The following SHISA9 variants were observed in gnomAD, a reference collection of about 807,000 sequenced individuals.
SHISA9 encodes protein shisa-9.
SHISA9 carries 13 observed loss-of-function variants against 38.0 expected under a neutral mutation model. The observed-to-expected ratio is 0.34, with a 90% confidence interval of 0.22 to 0.54. The LOEUF (loss-of-function observed/expected upper bound fraction) is 0.54. Ranked by LOEUF, SHISA9 falls within the 20% of genes least tolerant of loss-of-function variation. The probability of loss-of-function intolerance (pLI) is 0.91; values close to 1 mark genes in which losing one functional copy is unlikely to be tolerated. For missense variants in SHISA9, 538 were observed against 575.8 expected (o/e 0.93, Z 0.67); for synonymous variants, 275 against 242.0 (o/e 1.14, Z -1.27).
intron 2 of SHISA9, among the ~76,000 whole-genome samples, chr16:13,086,363 A>G (rs2073710696): frequency 6.6e-6 from 1 of 151,354 alleles, no homozygotes; most frequent in East Asian, 1.9e-4. Flanking sequence ...CAAAAAAAAA[A>G]AAAAAAAAAA....
At chr16:13,470,736 G>A in the SHISA9 span, among the ~76,000 whole-genome samples, 2 of 152,082 alleles carry the variant, frequency 1.3e-5, no homozygotes, top group Admixed American at 6.6e-5. Context: ...TGAAAATTCT[G>A]TAACAAAGAA....
intron 2 of SHISA9, among the ~76,000 whole-genome samples, chr16:13,169,645 T>A (rs1191568841): frequency 6.6e-6 from 1 of 152,204 alleles, no homozygotes; most frequent in African/African-American, 2.4e-5. Flanking sequence ...AAACATTTTA[T>A]CAGTTTCCTG....
chr16:12,917,642 G>A (rs1402681473), intron 2 of SHISA9, among the ~76,000 whole-genome samples: 1 of 152,250 alleles, frequency 6.6e-6, no homozygotes, highest in East Asian at 1.9e-4. Flanking sequence ...TGACAATAAT[G>A]TAATACTGTG....
At chr16:13,152,189 C>A (rs755103505) in intron 2 of SHISA9, among the ~76,000 whole-genome samples, 1 of 152,142 alleles carries the variant, frequency 6.6e-6, no homozygotes, top group African/African-American at 2.4e-5. Flanking sequence ...GAAAAGTCTA[C>A]CACTCCCTAG....
the SHISA9 span, among the ~76,000 whole-genome samples, chr16:13,387,728 T>G: frequency 2.0e-5 from 3 of 152,138 alleles, no homozygotes; most frequent in African/African-American, 4.8e-5. Flanking sequence ...GACCTGGTGA[T>G]CTGCCCGCCT....
the SHISA9 span, among the ~76,000 whole-genome samples, chr16:13,371,219 A>C: frequency 6.6e-6 from 1 of 152,302 alleles, no homozygotes; most frequent in Non-Finnish European, 1.5e-5. Context: ...AGTCCAGATA[A>C]CCACCATGAT....
At chr16:13,185,961 C>T (rs897540589) in intron 2 of SHISA9, among the ~76,000 whole-genome samples, 3 of 152,072 alleles carry the variant, frequency 2.0e-5, no homozygotes, top group African/African-American at 4.8e-5. Flanking sequence ...AGAGCACTTC[C>T]GCATGCCAAG....
chr16:13,215,193 G>A (rs1388663313), intron 4 of SHISA9, among the ~76,000 whole-genome samples: 1 of 152,184 alleles, frequency 6.6e-6, no homozygotes, highest in Non-Finnish European at 1.5e-5. Flanking sequence ...GTTGTAACCA[G>A]CTTGAGCACA....
At chr16:13,463,091 G>A in the SHISA9 span, among the ~76,000 whole-genome samples, 4 of 152,208 alleles carry the variant, frequency 2.6e-5, no homozygotes, top group Non-Finnish European at 5.9e-5. Context: ...GGGGGGGGAA[G>A]GTTGCAGTGA....
intron 2 of SHISA9, among the ~76,000 whole-genome samples, chr16:13,110,642 G>C (rs1225036088): frequency 6.6e-6 from 1 of 152,202 alleles, no homozygotes; most frequent in Non-Finnish European, 1.5e-5. Flanking sequence ...CTCGGAAACA[G>C]TCATCTGATG....
At chr16:13,145,442 G>A (rs1427640518) in intron 2 of SHISA9, among the ~76,000 whole-genome samples, 2 of 152,152 alleles carry the variant, frequency 1.3e-5, no homozygotes, top group Non-Finnish European at 2.9e-5. Flanking sequence ...CAGGAGAATT[G>A]CTTGAACCCG....
chr16:13,082,543 C>CTCTCTT (rs1204172921), intron 2 of SHISA9: 1 of 152,174 alleles, frequency 6.6e-6, no homozygotes, highest in Non-Finnish European at 1.5e-5. Context: ...CCGGCATTCT[C>CTCTCTT]TCTCTTTCTC....
chr16:13,027,450 C>G (rs983573384), intron 2 of SHISA9, among the ~76,000 whole-genome samples: 1 of 152,086 alleles, frequency 6.6e-6, no homozygotes, highest in African/African-American at 2.4e-5. Flanking sequence ...CTGTATCTAT[C>G]CAAGAGAATT....
intron 2 of SHISA9, among the ~76,000 whole-genome samples, chr16:12,988,913 C>G (rs1193908458): frequency 3.3e-5 from 5 of 152,196 alleles, no homozygotes; most frequent in Admixed American, 6.5e-5. Flanking sequence ...CACCTGAGTA[C>G]TTACAACCTG....
At chr16:13,264,334 C>G in the SHISA9 span, among the ~76,000 whole-genome samples, 1 of 151,970 alleles carries the variant, frequency 6.6e-6, no homozygotes. Flanking sequence ...GCCACCATGC[C>G]TAAAATTTTT....
At chr16:13,419,764 A>T in the SHISA9 span, among the ~76,000 whole-genome samples, 1 of 152,228 alleles carries the variant, frequency 6.6e-6, no homozygotes, top group Non-Finnish European at 1.5e-5. Flanking sequence ...TAAACAAGGC[A>T]TAAACAAATA....
intron 2 of SHISA9, among the ~76,000 whole-genome samples, chr16:13,025,166 A>T (rs1011132566): frequency 6.6e-6 from 1 of 152,118 alleles, no homozygotes; most frequent in African/African-American, 2.4e-5. Flanking sequence ...ACATTATTAT[A>T]ATTGTCTATT....
the SHISA9 span, among the ~76,000 whole-genome samples, chr16:13,476,726 C>T: frequency 2.3e-3 from 336 of 147,474 alleles, no homozygotes; most frequent in Non-Finnish European, 3.8e-3. Context: ...GCCTCAAGCA[C>T]GCCTGTTTTG....
the SHISA9 span, among the ~76,000 whole-genome samples, chr16:13,507,374 A>G: frequency 9.4e-3 from 1,432 of 152,194 alleles, 23 homozygotes; most frequent in African/African-American, 0.033. Context: ...TCTGCCCTGT[A>G]GAATTTCTCA....
Sources: allele counts gnomAD v4.1 joint callset (sites outside exome capture counted in the v4.1 genomes callset), GRCh38; gene constraint gnomAD v4.1.1; transcripts MANE v1.5; gene names NCBI Gene and HGNC (gene_info 2026-07-23, HGNC 2026-07-21).